FRMD5: variants seen among roughly 807,000 people sequenced by gnomAD.
FRMD5 encodes FERM domain containing 5.
Under a neutral mutation model 69.0 loss-of-function variants are expected in FRMD5, and 20 were observed. That is an observed-to-expected ratio of 0.29 (90% CI 0.20 to 0.42). FRMD5 has a LOEUF of 0.42. Among genes scored for constraint, FRMD5 ranks in the 10% least tolerant of loss-of-function variants. FRMD5 has a pLI of 1.00. For synonymous variants in FRMD5, 271 were observed against 260.1 expected, an observed-to-expected ratio of 1.04 and a Z score of -0.40; for missense variants, 595 against 708.6, an observed-to-expected ratio of 0.84 and a Z score of 1.82.
chr15:43,997,862 C>T (rs1890008058), intron 1 of FRMD5, among the ~76,000 whole-genome samples: 1 of 152,030 alleles, frequency 6.6e-6, no homozygotes, highest in African/African-American at 2.4e-5. Context: ...ATAATGACAA[C>T]AAAAATATAT....
chr15:44,069,143 T>C (rs1893427569), intron 1 of FRMD5, among the ~76,000 whole-genome samples: 1 of 152,082 alleles, frequency 6.6e-6, no homozygotes, highest in Admixed American at 6.5e-5. Flanking sequence ...TACACACCTA[T>C]CAGGATGGCT....
intron 1 of FRMD5, among the ~76,000 whole-genome samples, chr15:44,180,002 TGAA>T (rs1393868825): frequency 5.6e-5 from 8 of 143,630 alleles, no homozygotes; most frequent in Non-Finnish European, 7.5e-5. Flanking sequence ...TCCACACCTG[TGAA>T]CAGACACTGC....
intron 1 of FRMD5, among the ~76,000 whole-genome samples, chr15:43,955,917 G>A (rs1055515502): frequency 6.6e-6 from 1 of 151,890 alleles, no homozygotes; most frequent in African/African-American, 2.4e-5. Context: ...TGGTTTTTTG[G>A]TGGAAGTTTA....
chr15:43,890,392 G>C (rs537798920), intron 8 of FRMD5, among the ~76,000 whole-genome samples: 3 of 152,138 alleles, frequency 2.0e-5, no homozygotes, highest in Admixed American at 6.5e-5. Context: ...TTTCTGGAAG[G>C]GTGGGTATAA....
intron 1 of FRMD5, among the ~76,000 whole-genome samples, chr15:43,986,595 T>C (rs986120455): frequency 2.0e-5 from 3 of 152,164 alleles, no homozygotes; most frequent in Non-Finnish European, 2.9e-5. Context: ...GTGTAAAATA[T>C]TGGAAGCTCA....
At chr15:43,986,748 T>C (rs1431692163) in intron 1 of FRMD5, among the ~76,000 whole-genome samples, 2 of 151,474 alleles carry the variant, frequency 1.3e-5, no homozygotes, top group Admixed American at 1.3e-4. Context: ...CGGACATACC[T>C]GGTTTTATTG....
At chr15:43,947,498 A>T (rs1037046624) in intron 1 of FRMD5, among the ~76,000 whole-genome samples, 11 of 152,236 alleles carry the variant, frequency 7.2e-5, no homozygotes, top group Admixed American at 5.9e-4. Flanking sequence ...TTGAAATTTT[A>T]AATTTAATTT....
intron 1 of FRMD5, among the ~76,000 whole-genome samples, chr15:43,952,006 G>C (rs541974630): frequency 0.01 from 1,402 of 137,276 alleles, 17 homozygotes; most frequent in African/African-American, 0.038. Context: ...GTGTCTGTGT[G>C]TGTGTGTGTG....
intron 1 of FRMD5, among the ~76,000 whole-genome samples, chr15:44,087,285 T>C (rs1032520480): frequency 9.9e-5 from 15 of 152,150 alleles, no homozygotes; most frequent in African/African-American, 3.4e-4. Context: ...CCTCCCTAAA[T>C]GTTGGGATTA....
intron 1 of FRMD5, among the ~76,000 whole-genome samples, chr15:44,167,630 C>T (rs2077732315): frequency 6.6e-6 from 1 of 151,932 alleles, no homozygotes; most frequent in Non-Finnish European, 1.5e-5. Context: ...TGCTCTGTTG[C>T]CCAGGCTGGA....
At chr15:43,988,511 T>G (rs560863527) in intron 1 of FRMD5, among the ~76,000 whole-genome samples, 11 of 152,080 alleles carry the variant, frequency 7.2e-5, no homozygotes, top group Non-Finnish European at 1.6e-4. Context: ...TGGTCTCAAG[T>G]CAGTGTACAG....
rs145633735 is a variant in FRMD5, at chr15:44,175,636, C to T, written c.102+19317G>A. On this transcript the variant is annotated intron_variant, in intron 1 of 13. Coordinates refer to ENST00000417257, the MANE Select transcript of FRMD5 (RefSeq NM_032892.5). ...GTATATACCTAAGTAAAATGAAAAC[C>T]TATATTTATATAAAAACCTGTATGT... Among the ~76,000 whole-genome samples the T allele has an allele frequency of 3.9e-3, 600 of 152,078 alleles. 5 individuals carry two copies. Among genetic ancestry groups the T allele is most frequent in the African/African-American group, 0.014 (562 of 41,520 alleles).
chr15:43,988,727 A>T (rs142014942), intron 1 of FRMD5, among the ~76,000 whole-genome samples: 5 of 152,332 alleles, frequency 3.3e-5, no homozygotes, highest in African/African-American at 1.2e-4. Context: ...CTGTGTGGAC[A>T]CGGGAGAGGA....
intron 1 of FRMD5, among the ~76,000 whole-genome samples, chr15:43,965,576 CTTTTTTTTTTT>C (rs35986581): frequency 4.5e-5 from 5 of 110,408 alleles, no homozygotes; most frequent in Non-Finnish European, 7.5e-5. Context: ...TTTAAAAAGT[CTTTTTTTTTTT>C]TTTTTTTTTT....
intron 1 of FRMD5, among the ~76,000 whole-genome samples, chr15:43,959,792 G>A (rs980737679): frequency 3.9e-5 from 6 of 152,102 alleles, no homozygotes; most frequent in African/African-American, 1.4e-4. Context: ...TAAAAGACTA[G>A]CAAATTCAAT....
chr15:43,977,691 C>A (rs1194281708), intron 1 of FRMD5, among the ~76,000 whole-genome samples: 3 of 152,188 alleles, frequency 2.0e-5, no homozygotes, highest in African/African-American at 7.2e-5. Context: ...GTTGTTTGGG[C>A]AGGCGTTCTG....
intron 1 of FRMD5, among the ~76,000 whole-genome samples, chr15:44,029,020 C>T (rs893927419): frequency 2.0e-5 from 3 of 152,236 alleles, no homozygotes; most frequent in African/African-American, 7.2e-5. Context: ...ACTACATCCA[C>T]TGCTTTAACA....
chr15:43,915,821 C>A (rs899961130), intron 4 of FRMD5, among the ~76,000 whole-genome samples: 1 of 152,230 alleles, frequency 6.6e-6, no homozygotes, highest in Non-Finnish European at 1.5e-5. Context: ...AATTTAGGAC[C>A]AATATTGCCT....
At chr15:44,085,208 C>T (rs1270323149) in intron 1 of FRMD5, among the ~76,000 whole-genome samples, 3 of 152,070 alleles carry the variant, frequency 2.0e-5, no homozygotes, top group African/African-American at 7.2e-5. Context: ...ATTATATAAG[C>T]ACTATGTTCT....
Sources: allele counts gnomAD v4.1 joint callset (sites outside exome capture counted in the v4.1 genomes callset), GRCh38; gene constraint gnomAD v4.1.1; transcripts MANE v1.5; gene names NCBI Gene and HGNC (gene_info 2026-07-23, HGNC 2026-07-21).